Variants in RAP1GAP2 observed in about 807,000 individuals in gnomAD.
The protein encoded by RAP1GAP2 is RAP1 GTPase activating protein 2, also known as rap1 GTPase-activating protein 2.
Under a neutral mutation model 95.0 loss-of-function variants are expected in RAP1GAP2, and 27 were observed. That is an observed-to-expected ratio of 0.28 (90% CI 0.21 to 0.39). The LOEUF is 0.39. RAP1GAP2 is among the 10% of genes least tolerant of loss of function. RAP1GAP2 has a pLI of 1.00. For missense variants in RAP1GAP2, 771 were observed against 970.0 expected (o/e 0.79, Z 2.72); for synonymous variants, 373 against 380.9 (o/e 0.98, Z 0.24).
intron 3 of RAP1GAP2, among the ~76,000 whole-genome samples, chr17:2,939,849 A>G (rs1189393724): frequency 2.0e-5 from 3 of 152,188 alleles, no homozygotes; most frequent in Admixed American, 2.0e-4. Flanking sequence ...TCCCCAGAAA[A>G]ACGCCCGCGG....
At chr17:2,889,889 A>ATATATATATATATTTT (rs1408426152) in intron 2 of RAP1GAP2, among the ~76,000 whole-genome samples, 2 of 57,316 alleles carry the variant, frequency 3.5e-5, no homozygotes, top group African/African-American at 1.4e-4. Flanking sequence ...ATATATATAT[A>ATATATATATATATTTT]TTTTTTTTTT....
chr17:2,963,348 C>G lies in RAP1GAP2; in HGVS notation c.247-82C>G, dbSNP rs1441126679. 2.6e-6 allele frequency: 4 copies of G among 1,524,310 alleles called. No homozygotes were observed. The Admixed American group carries it at 6.7e-5, about 26-fold the overall frequency. The allele number at this position is 1,524,310 out of a possible 1,614,324, so 94.4% of individuals were successfully genotyped here. ...CTCAAAGCCCCCCCACAACATATCC[C>G]CCTTGCAAGACCTGGAAACAGTGGT... On this transcript the variant is annotated intron_variant, in intron 5 of 24. Transcript: ENST00000254695. This position sits in a 1 kb window ranked among gnomAD's most constrained non-coding sequence, Gnocchi z 4.8.
intron 17 of RAP1GAP2, among the ~76,000 whole-genome samples, chr17:3,012,953 G>T (rs1382471255): frequency 1.3e-5 from 2 of 152,246 alleles, no homozygotes. Flanking sequence ...TAGAGCACGT[G>T]CAGGCCACAT....
intron 2 of RAP1GAP2, among the ~76,000 whole-genome samples, chr17:2,821,183 T>C (rs1252786651): frequency 1.3e-5 from 2 of 152,088 alleles, no homozygotes; most frequent in East Asian, 3.9e-4. Flanking sequence ...TCACCCTTTT[T>C]CTGTGTCACA....
chr17:2,809,796 G>A (rs973804859), intron 2 of RAP1GAP2, among the ~76,000 whole-genome samples: 1 of 152,210 alleles, frequency 6.6e-6, no homozygotes, highest in South Asian at 2.1e-4. Flanking sequence ...AGACCCATGG[G>A]TGTGTCAGGA....
intron 2 of RAP1GAP2, among the ~76,000 whole-genome samples, chr17:2,877,349 G>T (rs1396906398): frequency 1.3e-5 from 2 of 152,194 alleles, no homozygotes; most frequent in African/African-American, 4.8e-5. Flanking sequence ...CTTTCAGCCA[G>T]CCTCCCTGCG....
upstream of RAP1GAP2, chr17:2,796,418 G>T (rs934769310): frequency 2.4e-6 from 3 of 1,269,962 alleles, no homozygotes; most frequent in African/African-American, 3.0e-5. The surrounding 1 kb of genome is among the most constrained non-coding windows in gnomAD (Gnocchi z 4.7). Context: ...GCCACGCTGG[G>T]CTCCCCGCCC....
At chr17:3,016,331 C>T (rs2046766018) in intron 17 of RAP1GAP2, among the ~76,000 whole-genome samples, 1 of 152,258 alleles carries the variant, frequency 6.6e-6, no homozygotes, top group African/African-American at 2.4e-5. Context: ...CTGCCTTAGG[C>T]AGATCATGAC....
At chr17:2,883,844 A>G (rs7226198) in intron 2 of RAP1GAP2, among the ~76,000 whole-genome samples, 108,314 of 152,018 alleles carry the variant, frequency 0.71, 39,201 homozygotes, top group Middle Eastern at 0.78. Flanking sequence ...GAGGTGGGTG[A>G]CCCTTTCTGC....
At chr17:2,826,511 G>T (rs1236548558) in intron 2 of RAP1GAP2, among the ~76,000 whole-genome samples, 2 of 152,162 alleles carry the variant, frequency 1.3e-5, no homozygotes, top group South Asian at 2.1e-4. Flanking sequence ...CGGGATGGGG[G>T]AACCGCCTGT....
At chr17:2,875,136 G>A (rs139206106) in intron 2 of RAP1GAP2, among the ~76,000 whole-genome samples, 2,892 of 152,146 alleles carry the variant, frequency 0.019, 45 homozygotes, top group Admixed American at 0.03. Flanking sequence ...GTGCGATCTC[G>A]GCTCACTGCA....
At chr17:2,832,377 T>A (rs1284291558) in intron 2 of RAP1GAP2, among the ~76,000 whole-genome samples, 1 of 149,408 alleles carries the variant, frequency 6.7e-6, no homozygotes, top group African/African-American at 2.5e-5. Context: ...GCTAAAACGG[T>A]GAAACCCCAT....
At chr17:2,853,839 G>A (rs1407123293) in intron 2 of RAP1GAP2, 29 of 838,578 alleles carry the variant, frequency 3.5e-5, no homozygotes, top group East Asian at 1.2e-4. Context: ...AGAGCGCGCG[G>A]TCACCTGACC....
intron 2 of RAP1GAP2, among the ~76,000 whole-genome samples, chr17:2,811,421 G>A (rs990384351): frequency 2.0e-5 from 3 of 152,178 alleles, no homozygotes; most frequent in Admixed American, 2.0e-4. Context: ...TGACGTGCTG[G>A]CCCCTGGTTC....
intron 1 of RAP1GAP2, among the ~76,000 whole-genome samples, chr17:2,777,515 C>G (rs1217200097): frequency 6.6e-6 from 1 of 152,120 alleles, no homozygotes; most frequent in Non-Finnish European, 1.5e-5. Context: ...TGTGGGGGTG[C>G]CGGCCCTGAG....
intron 1 of RAP1GAP2, among the ~76,000 whole-genome samples, chr17:2,758,171 G>GCCCC (rs35795921): frequency 6.7e-5 from 7 of 104,636 alleles, no homozygotes; most frequent in African/African-American, 2.4e-4. Flanking sequence ...GCCTGGCCAC[G>GCCCC]CCCCCCCCCC....
chr17:2,812,990 C>CA (rs748557335), intron 2 of RAP1GAP2, among the ~76,000 whole-genome samples: 58,476 of 136,782 alleles, frequency 0.43, 12,391 homozygotes, highest in Non-Finnish European at 0.5. Context: ...AACTCCGTCT[C>CA]AAAAAAAAAA....
At chr17:2,994,337 AACCTGCAT>A in intron 12 of RAP1GAP2, among the ~76,000 whole-genome samples, 1 of 152,276 alleles carries the variant, frequency 6.6e-6, no homozygotes, top group East Asian at 1.9e-4. Flanking sequence ...TTCTTAAAGG[AACCTGCAT>A]CTGCTGAAGA....
At position 3,013,632 on chromosome 17, in the gene RAP1GAP2, C is replaced by CT. The variant is rs998163717; in HGVS notation, c.1495-4408dup. ...CTGAGTTTTTCTTTTCTTTTCTTTT[C>CT]TTTTTTTTTTTTTTTTTTTTTGGTG... On this transcript the variant is annotated intron_variant, in intron 17 of 24. Coordinates refer to ENST00000254695, the MANE Select transcript of RAP1GAP2 (RefSeq NM_015085.5). 1.6e-3 allele frequency among the ~76,000 whole-genome samples: 130 copies of CT among 78,848 alleles called. 2 individuals carry two copies. Among genetic ancestry groups the CT allele is most frequent in the East Asian group, 7.8e-3 (21 of 2,696 alleles). 51.7% of individuals were successfully genotyped at this position (78,848 alleles called of 152,430 possible).
Sources: gnomAD v4.1 joint callset for allele counts (sites outside exome capture counted in the v4.1 genomes callset) on GRCh38, gnomAD v4.1.1 for gene constraint, Gnocchi (gnomAD v3.1) non-coding constraint, MANE v1.5 for transcripts, NCBI Gene and HGNC (gene_info 2026-07-23, HGNC 2026-07-21) for gene names.